PTPRB: variants seen among roughly 807,000 people sequenced by gnomAD.
PTPRB encodes protein tyrosine phosphatase receptor type B, also known as receptor-type tyrosine-protein phosphatase beta.
In PTPRB, 97 loss-of-function variants were observed where a neutral mutation model predicts 238.1. The observed-to-expected ratio is 0.41, with a 90% confidence interval of 0.35 to 0.48. The LOEUF is 0.48. Among genes scored for constraint, PTPRB ranks in the 20% least tolerant of loss-of-function variants. The pLI, the probability that PTPRB is intolerant of heterozygous loss-of-function variation, is 0.30. For synonymous variants in PTPRB, 970 were observed against 995.4 expected (o/e 0.97, Z 0.48); for missense variants, 2,292 against 2,681.9 (o/e 0.85, Z 3.21).
intron 4 of PTPRB, among the ~76,000 whole-genome samples, chr12:70,597,793 A>T (rs1170099867): frequency 6.6e-6 from 1 of 152,202 alleles, no homozygotes. Context: ...CATATAAAAG[A>T]AATAAGATAG....
Position 70,571,147 on chromosome 12 carries a change from G to A in PTPRB, c.3249C>T (p.His1083=), listed in dbSNP as rs1321482056. 6.2e-7 allele frequency: 1 copy of A among 1,613,986 alleles called. No homozygotes were observed. Among genetic ancestry groups the A allele is most frequent in the Non-Finnish European group, 8.5e-7 (1 of 1,179,886 alleles). Residue 1083 remains histidine, a synonymous_variant, in exon 13 of 34, where the codon CAC becomes CAT. Transcript: ENST00000334414. ...FNDMKVFPPF[H]LVNTATEYRF... is the part of the protein sequence containing the mutation. The stretch of plus-strand genomic sequence containing the variant: ...GATACTCGGTTGCGGTATTTACAAG[G>A]TGAAAAGGAGGAAATACTTTCATGT...
chr12:70,557,557 G>T (rs1343777831), intron 18 of PTPRB, among the ~76,000 whole-genome samples: 3 of 152,132 alleles, frequency 2.0e-5, no homozygotes, highest in African/African-American at 7.2e-5. Context: ...CAGTCCAGTT[G>T]TGACTTATAA....
At chr12:70,572,909 A>C (rs575475773) in intron 11 of PTPRB, among the ~76,000 whole-genome samples, 29 of 152,268 alleles carry the variant, frequency 1.9e-4, no homozygotes, top group African/African-American at 6.0e-4. Flanking sequence ...AACCACAGTG[A>C]AATACTGTTT....
At chr12:70,620,149 G>A (rs1884863096) in intron 3 of PTPRB, among the ~76,000 whole-genome samples, 2 of 152,218 alleles carry the variant, frequency 1.3e-5, no homozygotes, top group African/African-American at 4.8e-5. Context: ...ACAGTTGGAT[G>A]CATAGTCATT....
rs1281686828 is a variant in PTPRB, at chr12:70,517,493, G to A, written c.*3996C>T. The A allele has an allele frequency of 6.6e-6, 1 of 152,178 alleles. No homozygotes were observed. The highest frequency in any genetic ancestry group is 1.5e-5 in the Non-Finnish European group (1 of 68,034). The allele number at this position is 152,178 out of a possible 1,614,324, so 9.4% of individuals were successfully genotyped here. On this transcript the variant is annotated 3_prime_UTR_variant, in exon 34 of 34. Transcript: ENST00000334414. ...TCTAAATTTCAGGTTAAAAATAGCA[G>A]GGCAGAAAATTAGCACGGCATTTTC...
intron 4 of PTPRB, among the ~76,000 whole-genome samples, chr12:70,597,441 C>T (rs1317486638): frequency 6.6e-6 from 1 of 152,140 alleles, no homozygotes; most frequent in Non-Finnish European, 1.5e-5. Flanking sequence ...GGAACTAAGT[C>T]AATGATATTT....
chr12:70,624,670 G>A (rs1294883676), intron 2 of PTPRB, among the ~76,000 whole-genome samples: 2 of 152,030 alleles, frequency 1.3e-5, no homozygotes, highest in Non-Finnish European at 2.9e-5. Context: ...TTTGAGCTGT[G>A]GTAGATCCTG....
At chr12:70,534,340 GT>G in intron 31 of PTPRB, 147 bp downstream of exon 31, 1 of 822,066 alleles carries the variant, frequency 1.2e-6, no homozygotes, top group Non-Finnish European at 1.9e-6. Flanking sequence ...GGGGAGGAAC[GT>G]TATAAAACCC....
chr12:70,636,083 T>A lies in PTPRB; in HGVS notation c.56-17A>T, dbSNP rs1250871285. 10 of 1,586,730 alleles carry A rather than the reference T, an allele frequency of 6.3e-6. No individual in the cohort carries two copies. The highest frequency in any genetic ancestry group is 8.6e-6 in the Non-Finnish European group (10 of 1,165,904). On this transcript the variant is annotated splice_polypyrimidine_tract_variant and intron_variant, in intron 1 of 33. Coordinates refer to ENST00000334414, the MANE Select transcript of PTPRB (RefSeq NM_001109754.4). ...GAAACCCTTCTGGAAGATGAAAAGC[T>A]CATAAAGCACTATGTAGCAAATTAT...
intron 10 of PTPRB, among the ~76,000 whole-genome samples, chr12:70,579,695 C>CAAAAAAAAAAAAAAAAAAAAAAAAA (rs35887706): frequency 1.1e-5 from 1 of 91,016 alleles, no homozygotes; most frequent in Non-Finnish European, 2.2e-5. Context: ...GACTCCATCT[C>CAAAAAAAAAAAAAAAAAAAAAAAAA]AAAAAAAAAA....
chr12:70,550,953 T>G (rs1565930011), intron 21 of PTPRB, among the ~76,000 whole-genome samples: 1 of 152,130 alleles, frequency 6.6e-6, no homozygotes, highest in Non-Finnish European at 1.5e-5. Context: ...TGGAGTACAG[T>G]GGCATGATCT....
rs1878410524 is a variant in PTPRB at position 70,560,953 on chromosome 12, T to C, written c.4169-19A>G. 6.2e-7 allele frequency: 1 copy of C among 1,605,902 alleles called. No individual in the cohort carries two copies. Among genetic ancestry groups the C allele is most frequent in the Admixed American group, 1.7e-5 (1 of 59,618 alleles). ...GCTGGGACTTAAACAGAAGAAAAATTGTTACTGAGAACAAAACAGAAACAC... is the reference window on the plus strand; with the variant it reads ...GCTGGGACTTAAACAGAAGAAAAATCGTTACTGAGAACAAAACAGAAACAC... On this transcript the variant is annotated intron_variant, in intron 16 of 33. Coordinates refer to ENST00000334414, the MANE Select transcript of PTPRB (RefSeq NM_001109754.4). This position sits in a 1 kb window ranked among gnomAD's most constrained non-coding sequence, Gnocchi z 4.2.
intron 9 of PTPRB, among the ~76,000 whole-genome samples, chr12:70,583,382 A>G (rs559945368): frequency 1.3e-5 from 2 of 152,286 alleles, no homozygotes; most frequent in South Asian, 4.1e-4. Flanking sequence ...CAAAGGCCAA[A>G]AAGTAAAGGA....
At chr12:70,578,171 C>G (rs1880995796) in intron 10 of PTPRB, among the ~76,000 whole-genome samples, 1 of 152,120 alleles carries the variant, frequency 6.6e-6, no homozygotes, top group Non-Finnish European at 1.5e-5. Flanking sequence ...TTAAGTATAT[C>G]TAATATCTTT....
intron 21 of PTPRB, among the ~76,000 whole-genome samples, chr12:70,549,454 T>C (rs1024091496): frequency 3.3e-5 from 5 of 152,168 alleles, no homozygotes; most frequent in East Asian, 1.9e-4. Flanking sequence ...TATGGAACAA[T>C]GGAATAAAAC....
At chr12:70,601,149 A>G (rs1280004222) in intron 4 of PTPRB, among the ~76,000 whole-genome samples, 3 of 152,152 alleles carry the variant, frequency 2.0e-5, no homozygotes, top group East Asian at 1.9e-4. Flanking sequence ...TACAAGCATG[A>G]GCTAGCGTGC....
At chr12:70,537,589 T>G (rs944108661) in intron 28 of PTPRB, among the ~76,000 whole-genome samples, 2 of 152,204 alleles carry the variant, frequency 1.3e-5, no homozygotes, top group South Asian at 4.1e-4. Context: ...TAAATATTAT[T>G]ATCATCAGTT....
chr12:70,618,838 A>G (rs999143734), intron 3 of PTPRB, among the ~76,000 whole-genome samples: 1 of 152,232 alleles, frequency 6.6e-6, no homozygotes, highest in African/African-American at 2.4e-5. Flanking sequence ...CTCTAGGCCT[A>G]TGATATGTGT....
intron 3 of PTPRB, among the ~76,000 whole-genome samples, chr12:70,615,661 AC>A (rs1884647081): frequency 6.6e-6 from 1 of 152,076 alleles, no homozygotes; most frequent in Non-Finnish European, 1.5e-5. Flanking sequence ...AGTTCCTGCC[AC>A]CCCACCCTTG....
Sources: allele counts gnomAD v4.1 joint callset (sites outside exome capture counted in the v4.1 genomes callset), GRCh38; gene constraint gnomAD v4.1.1; non-coding constraint Gnocchi (gnomAD v3.1); transcripts MANE v1.5; gene names NCBI Gene and HGNC (gene_info 2026-07-23, HGNC 2026-07-21).